The following IGDCC3 variants were observed in gnomAD, a reference collection of about 807,000 sequenced individuals.
IGDCC3 encodes the protein immunoglobulin superfamily DCC subclass member 3.
IGDCC3 carries 47 observed loss-of-function variants against 72.0 expected under a neutral mutation model. The ratio of observed to expected loss-of-function variants is 0.65; its 90% CI spans 0.52 to 0.83. IGDCC3 has a LOEUF of 0.83. IGDCC3 is among the 40% of genes least tolerant of loss of function. The probability of loss-of-function intolerance (pLI) is 0.00; values close to 1 mark genes in which losing one functional copy is unlikely to be tolerated. For synonymous variants in IGDCC3, 477 were observed against 472.8 expected, an observed-to-expected ratio of 1.01 and a Z score of -0.11; for missense variants, 1,038 against 1,091.3, an observed-to-expected ratio of 0.95 and a Z score of 0.69.
rs78740235 is a variant in IGDCC3, at chr15:65,370,396, C to T, written c.409+4701G>A. Among the ~76,000 whole-genome samples the T allele has an allele frequency of 7.3e-4, 110 of 150,922 alleles. 1 individual carries two copies. In the East Asian group the frequency reaches 0.02, roughly 27 times the overall value. ...TGGCATGGTGGCAGGAACCTGTAAT[C>T]CCAGCTACTCAGGAGGTTGAAGAAG... On this transcript the variant is annotated intron_variant, in intron 2 of 13. Transcript: ENST00000327987.
chr15:65,335,653 T>C (rs1001435225), intron 3 of IGDCC3, among the ~76,000 whole-genome samples, 159 bp downstream of exon 3: 1 of 152,120 alleles, frequency 6.6e-6, no homozygotes, highest in African/African-American at 2.4e-5. Context: ...CAGCCAGTCA[T>C]GTGGATACCC....
At position 65,331,566 on chromosome 15, in the gene IGDCC3, C is replaced by G. The variant is rs773252161; in HGVS notation, c.1242G>C (p.Arg414Ser). ...GCCCCTCAGCCCACAGTACGGTCAG[C>G]CTGGCACTGGCCTGTGATGAGCCCG... is the stretch of plus-strand genomic sequence containing the variant. ...NSAGSSQASA[R>S]LTVLWAEGLP... The change falls in exon 8 of 14, where the codon AGG becomes AGC. Residue 414 changes from arginine to serine, a missense_variant. Arg to Ser is a moderately radical substitution (Grantham distance 110). Coordinates refer to ENST00000327987, the MANE Select transcript of IGDCC3 (RefSeq NM_004884.4). 1.2e-6 allele frequency: 2 copies of G among 1,613,572 alleles called. No homozygotes were observed. Among genetic ancestry groups the G allele is most frequent in the African/African-American group, 2.7e-5 (2 of 74,910 alleles).
Position 65,328,234 on chromosome 15 carries a change from T to C in IGDCC3, c.*675A>G, listed in dbSNP as rs1239557580. The C allele has an allele frequency of 6.6e-6, 1 of 151,566 alleles. No individual in the cohort carries two copies. Among genetic ancestry groups the C allele is most frequent in the African/African-American group, 2.4e-5 (1 of 41,162 alleles). The allele number at this position is 151,566 out of a possible 1,614,324, so 9.4% of individuals were successfully genotyped here. ...GCGAGCCTTGAGGTAGACATTTTCT[T>C]TCACATCTGGAAATGGGGAAGTGCT... is the stretch of plus-strand genomic sequence containing the variant. On this transcript the variant is annotated 3_prime_UTR_variant, in exon 14 of 14. Transcript: ENST00000327987.
chr15:65,353,424 G>A (rs1259366387), intron 2 of IGDCC3, among the ~76,000 whole-genome samples: 1 of 151,982 alleles, frequency 6.6e-6, no homozygotes, highest in East Asian at 1.9e-4. Flanking sequence ...CTAATTTTTT[G>A]TATTTTTAGT....
At chr15:65,357,957 A>T (rs1029515271) in intron 2 of IGDCC3, among the ~76,000 whole-genome samples, 4 of 152,208 alleles carry the variant, frequency 2.6e-5, no homozygotes, top group Admixed American at 6.5e-5. Context: ...TTGATGGGGT[A>T]GATGTAGGAT....
At chr15:65,362,834 C>T (rs1019866555) in intron 2 of IGDCC3, among the ~76,000 whole-genome samples, 6 of 140,892 alleles carry the variant, frequency 4.3e-5, no homozygotes, top group Admixed American at 7.2e-5. Flanking sequence ...TTATTACCAG[C>T]GAGGTTTGGG....
At chr15:65,340,713 A>G (rs185358290) in intron 2 of IGDCC3, among the ~76,000 whole-genome samples, 14 of 152,098 alleles carry the variant, frequency 9.2e-5, no homozygotes, top group South Asian at 4.2e-4. Flanking sequence ...CTTTAGAACC[A>G]CATTTTCTTT....
intron 2 of IGDCC3, among the ~76,000 whole-genome samples, chr15:65,364,252 C>T (rs544609748): frequency 6.6e-6 from 1 of 152,216 alleles, no homozygotes; most frequent in East Asian, 1.9e-4. Context: ...AGCTTCCCCA[C>T]TTACTGTGTA....
At chr15:65,330,797 TACC>T in intron 9 of IGDCC3, 56 bp from the exon 10 acceptor site, 41 of 1,419,016 alleles carry the variant, frequency 2.9e-5, no homozygotes, top group Middle Eastern at 2.2e-4. Flanking sequence ...TCTATCTTTC[TACC>T]TTCCACCTGT....
At chr15:65,354,272 T>A (rs1309702322) in intron 2 of IGDCC3, among the ~76,000 whole-genome samples, 1 of 152,184 alleles carries the variant, frequency 6.6e-6, no homozygotes, top group Non-Finnish European at 1.5e-5. Flanking sequence ...TTGAGTGAGA[T>A]CAAAGAACCC....
chr15:65,369,691 T>G (rs1217024759), intron 2 of IGDCC3, among the ~76,000 whole-genome samples: 1 of 152,078 alleles, frequency 6.6e-6, no homozygotes, highest in African/African-American at 2.4e-5. Context: ...AGAGAAGAAC[T>G]TGCATTCCAC....
intron 8 of IGDCC3, 29 bp downstream of exon 8, chr15:65,331,383 G>T: frequency 1.3e-6 from 2 of 1,581,960 alleles, no homozygotes; most frequent in South Asian, 2.3e-5. Context: ...TGAATTAGAG[G>T]AAGGGGCAAC....
At chr15:65,361,916 C>A (rs1484727875) in intron 2 of IGDCC3, among the ~76,000 whole-genome samples, 1 of 152,184 alleles carries the variant, frequency 6.6e-6, no homozygotes, top group African/African-American at 2.4e-5. Context: ...CCGCCCAGGG[C>A]AGAGCCAGAC....
intron 2 of IGDCC3, among the ~76,000 whole-genome samples, chr15:65,337,869 C>T (rs1360375192): frequency 5.9e-5 from 9 of 152,310 alleles, no homozygotes; most frequent in Admixed American, 5.9e-4. Flanking sequence ...CCCCAGGGAC[C>T]TGGGGTGGGG....
At chr15:65,362,630 C>A (rs912619709) in intron 2 of IGDCC3, among the ~76,000 whole-genome samples, 3 of 152,132 alleles carry the variant, frequency 2.0e-5, no homozygotes, top group Non-Finnish European at 4.4e-5. Flanking sequence ...CTCTCCCCTT[C>A]AGAATGACTG....
Position 65,328,767 on chromosome 15 carries a change from T to G in IGDCC3, c.*142A>C. On this transcript the variant is annotated 3_prime_UTR_variant, in exon 14 of 14. Transcript: ENST00000327987. ...GGTCCCTGTCAAGGCTGCCTTGGGT[T>G]TTGACAACCCAAGAGGCAGTCAGGA... The G allele has an allele frequency of 1.8e-6, 2 of 1,114,948 alleles. No individual in the cohort carries two copies. Among genetic ancestry groups the G allele is most frequent in the Non-Finnish European group, 2.4e-6 (2 of 829,494 alleles). The allele number at this position is 1,114,948 out of a possible 1,614,324, so 69.1% of individuals were successfully genotyped here. A position where few individuals can be genotyped will look rare whatever the true frequency, so the allele number is the denominator to read the frequency against.
rs772337057 is a variant in IGDCC3 at position 65,329,426 on chromosome 15, CG to C, written c.2168del (p.Pro723ArgfsTer37). On this transcript the variant is annotated frameshift_variant, in exon 13 of 14. Transcript: ENST00000327987. LOFTEE classifies it low-confidence loss of function (END_TRUNC). This position sits in a 1 kb window ranked among gnomAD's most constrained non-coding sequence, Gnocchi z 4.1. ...DMKELEQLFP[P>X]ASAAGQPDPR... ...GGTCCGGCTGCCCTGCTGCGCTGGC[CG>C]GGGGGAACAGCTGCTCCAGCTCCTT... 4.4e-6 allele frequency: 7 copies of C among 1,602,862 alleles called. No individual in the cohort carries two copies. Among genetic ancestry groups the C allele is most frequent in the Admixed American group, 3.5e-5 (2 of 56,966 alleles).
chr15:65,362,375 G>A (rs530041277), intron 2 of IGDCC3, among the ~76,000 whole-genome samples: 2 of 152,246 alleles, frequency 1.3e-5, no homozygotes, highest in African/African-American at 4.8e-5. Flanking sequence ...CAGGGAGGGT[G>A]CACAGGTAGG....
At chr15:65,336,751 G>A (rs1276461199) in intron 2 of IGDCC3, among the ~76,000 whole-genome samples, 2 of 152,006 alleles carry the variant, frequency 1.3e-5, no homozygotes, top group Non-Finnish European at 2.9e-5. Context: ...AGGGGCTGTG[G>A]TGCACCCTCC....
Sources: gnomAD v4.1 joint callset for allele counts (sites outside exome capture counted in the v4.1 genomes callset) on GRCh38, gnomAD v4.1.1 for gene constraint, Gnocchi (gnomAD v3.1) non-coding constraint, MANE v1.5 for transcripts, NCBI Gene and HGNC (gene_info 2026-07-23, HGNC 2026-07-21) for gene names.